Variants in FMNL1 observed in about 807,000 individuals in gnomAD.
The protein encoded by FMNL1 is formin-like protein 1.
FMNL1 carries 43 observed loss-of-function variants against 121.3 expected under a neutral mutation model. That is an observed-to-expected ratio of 0.35 (90% CI 0.28 to 0.46). The LOEUF (loss-of-function observed/expected upper bound fraction) is 0.46, where lower values mean the gene tolerates loss of function less well. FMNL1 is among the 20% of genes least tolerant of loss of function. The probability of loss-of-function intolerance (pLI) is 1.00; values close to 1 mark genes in which losing one functional copy is unlikely to be tolerated. For synonymous variants in FMNL1, 613 were observed against 613.5 expected, an observed-to-expected ratio of 1.00 and a Z score of 0.01; for missense variants, 1,191 against 1,482.4, an observed-to-expected ratio of 0.80 and a Z score of 3.23.
At chr17:45,225,033 C>T (rs568625301) in intron 1 of FMNL1, among the ~76,000 whole-genome samples, 2 of 152,368 alleles carry the variant, frequency 1.3e-5, no homozygotes. Context: ...CACACTTACA[C>T]CTGGGCCTGG....
At position 45,243,963 on chromosome 17, in the gene FMNL1, G is replaced by C; in HGVS notation, c.2386G>C (p.Glu796Gln). The change falls in exon 18 of 27, where the codon GAG becomes CAG. Residue 796 changes from glutamate to glutamine, a missense_variant. Transcript: ENST00000331495. ...CTTCAGCCGCATCCCGCGCCTGCCG[G>C]AGCGCATGACCACACTCACCTTCCT... The part of the protein sequence containing the change: ...LCFSRIPRLP[E>Q]RMTTLTFLGN... 6.2e-7 allele frequency: 1 copy of C among 1,613,220 alleles called. No homozygotes were observed. Among genetic ancestry groups the C allele is most frequent in the Non-Finnish European group, 8.5e-7 (1 of 1,180,002 alleles).
At chr17:45,243,503 AT>A (rs2043756801) in intron 17 of FMNL1, among the ~76,000 whole-genome samples, 183 bp downstream of exon 17, 1 of 152,170 alleles carries the variant, frequency 6.6e-6, no homozygotes, top group Non-Finnish European at 1.5e-5. Context: ...CTAAATTAGG[AT>A]GTCCCACTTC....
Position 45,230,715 on chromosome 17 carries a change from C to T in FMNL1, c.213+28C>T, listed in dbSNP as rs754575248. The T allele has an allele frequency of 1.9e-6, 3 of 1,610,170 alleles. No homozygotes were observed. In the Admixed American group the frequency reaches 5.0e-5, roughly 27 times the overall value. On this transcript the variant is annotated intron_variant, in intron 2 of 26. Transcript: ENST00000331495. ...AGGTGCCAGCACTGCCCAGCCACCC[C>T]TTCCCTCCCACTGTCAGTACCCCAC...
In FMNL1 at chr17:45,244,013, G is replaced by A. The variant is rs142695981; in HGVS notation, c.2436G>A (p.Gln812=). The A allele has an allele frequency of 6.2e-7, 1 of 1,609,436 alleles. No individual in the cohort carries two copies. Among genetic ancestry groups the A allele is most frequent in the Admixed American group, 1.7e-5 (1 of 59,976 alleles). ...TGGGCAACTTCCCGGACACAGCCCAGCTGCTCATGCCGGTGTGGGCGGAGC... is the reference window on the plus strand; with the variant it reads ...TGGGCAACTTCCCGGACACAGCCCAACTGCTCATGCCGGTGTGGGCGGAGC... ...TFLGNFPDTA[Q]LLMPQLNAII... is the part of the protein sequence containing the mutation. The change falls in exon 18 of 27, where the codon CAG becomes CAA. Residue 812 remains glutamine (Q), a synonymous_variant. Coordinates refer to ENST00000331495, the MANE Select transcript of FMNL1 (RefSeq NM_005892.4).
In FMNL1 at chr17:45,241,006, C is replaced by A; in HGVS notation, c.1231-123C>A. The A allele has an allele frequency of 7.9e-7, 1 of 1,269,034 alleles. No homozygotes were observed. Among genetic ancestry groups the A allele is most frequent in the South Asian group, 1.3e-5 (1 of 77,952 alleles). 78.6% of individuals were successfully genotyped at this position (1,269,034 alleles called of 1,614,324 possible). ...GCCAGGCTCGGCCCACCCTTGGCAC[C>A]TGGGCTGAGCGGATCTGGGAGCCTC... On this transcript the variant is annotated intron_variant, in intron 12 of 26. Coordinates refer to ENST00000331495, the MANE Select transcript of FMNL1 (RefSeq NM_005892.4). This position sits in a 1 kb window ranked among gnomAD's most constrained non-coding sequence, Gnocchi z 7.0.
At chr17:45,239,706 A>G (rs1177865831) in intron 11 of FMNL1, among the ~76,000 whole-genome samples, 2 of 152,138 alleles carry the variant, frequency 1.3e-5, no homozygotes, top group African/African-American at 2.4e-5. Flanking sequence ...CAGCCACAAG[A>G]AGGAATGAAG....
At chr17:45,226,608 AG>A (rs2043334982) in intron 1 of FMNL1, among the ~76,000 whole-genome samples, 2 of 152,182 alleles carry the variant, frequency 1.3e-5, no homozygotes, top group South Asian at 2.1e-4. Flanking sequence ...GGATTATAAC[AG>A]TATCTATTTT....
At chr17:45,246,430 C>A in intron 25 of FMNL1, 75 bp from the exon 26 acceptor site, 3 of 1,612,518 alleles carry the variant, frequency 1.9e-6, no homozygotes, top group South Asian at 2.2e-5. Flanking sequence ...TGCCACACTG[C>A]TTCTTGCTAC....
chr17:45,228,877 G>C (rs2043382592), intron 1 of FMNL1, among the ~76,000 whole-genome samples: 1 of 152,148 alleles, frequency 6.6e-6, no homozygotes, highest in Non-Finnish European at 1.5e-5. Context: ...GGCACTGCTG[G>C]CCCTGTCTCT....
At chr17:45,227,546 C>T (rs1419139852) in intron 1 of FMNL1, among the ~76,000 whole-genome samples, 2 of 152,192 alleles carry the variant, frequency 1.3e-5, no homozygotes, top group East Asian at 3.8e-4. Context: ...GCCCAAAGCA[C>T]TAAAGGCAGC....
At chr17:45,226,144 T>A (rs192894184) in intron 1 of FMNL1, among the ~76,000 whole-genome samples, 391 of 152,234 alleles carry the variant, frequency 2.6e-3, no homozygotes, top group Middle Eastern at 0.01. Context: ...TCCCCACCGT[T>A]ATGCAGGTCA....
chr17:45,241,954 GC>G lies in FMNL1; in HGVS notation c.1697del (p.Pro566ArgfsTer54). 7.4e-7 allele frequency: 1 copy of G among 1,345,102 alleles called. No homozygotes were observed. Among genetic ancestry groups the G allele is most frequent in the African/African-American group, 1.6e-5 (1 of 64,244 alleles). The allele number at this position is 1,345,102 out of a possible 1,614,324, so 83.3% of individuals were successfully genotyped here. On this transcript the variant is annotated frameshift_variant, in exon 15 of 27. Transcript: ENST00000331495. LOFTEE classifies it high-confidence loss of function. The surrounding 1 kb of genome is among the most constrained non-coding windows in gnomAD (Gnocchi z 7.0). ...AGCCCCGCCCTCTGCGCCCCCACAG[GC>G]CCCGCCTCTCCCTGGCAGCCCGGAG... ...QEAPPSAPPQAPPLPGSPEPP... is the reference protein window; with the variant it reads ...QEAPPSAPPQXPPLPGSPEPP...
In FMNL1 at chr17:45,231,333, TG is replaced by T. The variant is rs139239541; in HGVS notation, c.213+651del. 0.072 allele frequency: 10,953 copies of T among 152,258 alleles called. 400 individuals are homozygous for T. Among genetic ancestry groups the T allele is most frequent in the Admixed American group, 0.12 (1,772 of 15,296 alleles). The allele number at this position is 152,258 out of a possible 1,614,324, so 9.4% of individuals were successfully genotyped here. Reference sequence around the variant, plus strand: ...TGTGAAGGAGGGAGGCTGCAGAGGCTGGGGGTGGGGAGTTGGGAGCTGAGAG... The same window carrying T: ...TGTGAAGGAGGGAGGCTGCAGAGGCTGGGGTGGGGAGTTGGGAGCTGAGAG... On this transcript the variant is annotated intron_variant, in intron 2 of 26. Coordinates refer to ENST00000331495, the MANE Select transcript of FMNL1 (RefSeq NM_005892.4). The surrounding 1 kb of genome is among the most constrained non-coding windows in gnomAD (Gnocchi z 4.7).
chr17:45,237,764 A>G lies in FMNL1; in HGVS notation c.894+125A>G. The G allele has an allele frequency of 9.6e-7, 1 of 1,037,718 alleles. No individual in the cohort carries two copies. The highest frequency in any genetic ancestry group is 1.5e-6 in the Non-Finnish European group (1 of 689,406). The allele number at this position is 1,037,718 out of a possible 1,614,324, so 64.3% of individuals were successfully genotyped here. ...TTGGGTGGGCATTTGGGGAACGCCC[A>G]AAAGTTGAAGTTGAGCCACATCACT... On this transcript the variant is annotated intron_variant, in intron 9 of 26. Coordinates refer to ENST00000331495, the MANE Select transcript of FMNL1 (RefSeq NM_005892.4). This position sits in a 1 kb window ranked among gnomAD's most constrained non-coding sequence, Gnocchi z 4.4.
Position 45,222,208 on chromosome 17 carries a change from G to A in FMNL1, c.84G>A (p.Pro28=), listed in dbSNP as rs757169433. 3 of 1,244,540 alleles carry A rather than the reference G, an allele frequency of 2.4e-6. No individual in the cohort carries two copies. Among genetic ancestry groups the A allele is most frequent in the Non-Finnish European group, 2.0e-6 (2 of 988,134 alleles). The allele number at this position is 1,244,540 out of a possible 1,614,324, so 77.1% of individuals were successfully genotyped here. ...AGCAGCCCGCGCCTCCCAAGCAGCCGATGCCCGCGGCCGGAGAGCTGGAGG... is the reference window on the plus strand; with the variant it reads ...AGCAGCCCGCGCCTCCCAAGCAGCCAATGCCCGCGGCCGGAGAGCTGGAGG... ...PPKQPAPPKQ[P]MPAAGELEER... The change falls in exon 1 of 27, where the codon CCG becomes CCA. Residue 28 remains proline, a synonymous_variant. Transcript: ENST00000331495.
intron 1 of FMNL1, among the ~76,000 whole-genome samples, chr17:45,230,127 G>T (rs1363834740): frequency 3.3e-5 from 5 of 152,220 alleles, no homozygotes; most frequent in Non-Finnish European, 5.9e-5. Context: ...CTGTGTACAC[G>T]TGGGATCTGG....
At chr17:45,232,541 T>C in intron 3 of FMNL1, 61 bp downstream of exon 3, 1 of 1,503,266 alleles carries the variant, frequency 6.7e-7, no homozygotes, top group Non-Finnish European at 9.2e-7. Context: ...TCTGGGCAGC[T>C]GGAGTAACTG....
rs768798176 is a variant in FMNL1 at position 45,241,245 on chromosome 17, G to C, written c.1332+15G>C. The C allele has an allele frequency of 2.5e-6, 4 of 1,613,892 alleles. No individual in the cohort carries two copies. In the South Asian group the frequency reaches 3.3e-5, roughly 13 times the overall value. On this transcript the variant is annotated intron_variant, in intron 13 of 26. Coordinates refer to ENST00000331495, the MANE Select transcript of FMNL1 (RefSeq NM_005892.4). This position sits in a 1 kb window ranked among gnomAD's most constrained non-coding sequence, Gnocchi z 7.0. Reference sequence around the variant, plus strand: ...AGACCCTGCGGGTGAGGCTGGGGCGGGTGGTAGGCCAGGCGCCCAAGAACA... The same window carrying C: ...AGACCCTGCGGGTGAGGCTGGGGCGCGTGGTAGGCCAGGCGCCCAAGAACA...
chr17:45,246,125 T>C, intron 24 of FMNL1, 85 bp from the exon 25 acceptor site: 1 of 1,549,030 alleles, frequency 6.5e-7, no homozygotes, highest in Non-Finnish European at 8.7e-7. Context: ...AAGCCAGCTG[T>C]CCTTGCTGTG....
Sources: gnomAD v4.1 joint callset for allele counts (sites outside exome capture counted in the v4.1 genomes callset) on GRCh38, gnomAD v4.1.1 for gene constraint, Gnocchi (gnomAD v3.1) non-coding constraint, MANE v1.5 for transcripts, NCBI Gene and HGNC (gene_info 2026-07-23, HGNC 2026-07-21) for gene names.